The following MID1 variants were observed in gnomAD, a reference collection of about 807,000 sequenced individuals.
The protein encoded by MID1 is midline 1.
A neutral mutation model predicts 40.4 loss-of-function variants in MID1; 7 were observed. That is an observed-to-expected ratio of 0.17 (90% CI 0.10 to 0.33). MID1 has a LOEUF of 0.33. MID1 is among the 10% of genes least tolerant of loss of function. The pLI is 1.00. For missense variants in MID1, 367 were observed against 558.5 expected (o/e 0.66, Z 3.46); for synonymous variants, 229 against 221.2 (o/e 1.04, Z -0.31).
chrX:10,677,455 G>T (rs969960377), intron 1 of MID1: 7 of 112,129 alleles, frequency 6.2e-5, no homozygotes, highest in Non-Finnish European at 1.1e-4. Flanking sequence ...TTTTTAAAAA[G>T]AAGACTTACC....
intron 1 of MID1, among the ~76,000 whole-genome samples, chrX:10,674,010 C>A (rs1218954254): frequency 2.7e-5 from 3 of 111,212 alleles, no homozygotes; most frequent in African/African-American, 9.8e-5. Context: ...AAACATTTAA[C>A]AAAAGTCATC....
At chrX:10,783,543 G>A (rs181386261) in intron 1 of MID1, among the ~76,000 whole-genome samples, 1 of 111,627 alleles carries the variant, frequency 9.0e-6, no homozygotes, top group African/African-American at 3.3e-5. Flanking sequence ...CATCTAGCTG[G>A]TACTTTGCAA....
intron 1 of MID1, among the ~76,000 whole-genome samples, chrX:10,657,881 C>T (rs1387191488): frequency 8.9e-6 from 1 of 111,970 alleles, no homozygotes. Context: ...TTGCCAAATG[C>T]CTTCAGACTT....
At chrX:10,499,938 T>C (rs1324229371) in intron 3 of MID1, among the ~76,000 whole-genome samples, 1 of 112,499 alleles carries the variant, frequency 8.9e-6, no homozygotes, top group Non-Finnish European at 1.9e-5. Flanking sequence ...TCCTATTTTG[T>C]AAAATGAGCT....
intron 1 of MID1, among the ~76,000 whole-genome samples, chrX:10,794,487 A>G (rs1025647357): frequency 8.9e-6 from 1 of 112,467 alleles, no homozygotes; most frequent in African/African-American, 3.2e-5. Flanking sequence ...CATCACATAG[A>G]AACCAGTCAG....
intron 1 of MID1, among the ~76,000 whole-genome samples, chrX:10,764,571 T>A (rs2043707029): frequency 8.9e-6 from 1 of 112,264 alleles, no homozygotes; most frequent in African/African-American, 3.2e-5. Flanking sequence ...GAATTTTTTT[T>A]AAAGCTCTGT....
intron 1 of MID1, among the ~76,000 whole-genome samples, chrX:10,642,832 C>T (rs1271196425): frequency 9.1e-6 from 1 of 110,223 alleles, no homozygotes; most frequent in Non-Finnish European, 1.9e-5. Context: ...ACCAATGGAA[C>T]AGAACAGAGC....
intron 1 of MID1, among the ~76,000 whole-genome samples, chrX:10,660,403 A>G (rs1569140484): frequency 8.9e-6 from 1 of 112,263 alleles, no homozygotes; most frequent in South Asian, 3.7e-4. Flanking sequence ...CTCAATCACC[A>G]CAGCGCTGGG....
chrX:10,780,228 A>G (rs2147132123), intron 1 of MID1, among the ~76,000 whole-genome samples: 1 of 111,554 alleles, frequency 9.0e-6, no homozygotes, highest in African/African-American at 3.3e-5. Context: ...AGCCTCCCAA[A>G]GTGCCAGGAT....
chrX:10,796,382 T>TA (rs1318753314), intron 1 of MID1, among the ~76,000 whole-genome samples: 1 of 109,398 alleles, frequency 9.1e-6, no homozygotes. Flanking sequence ...ATAATTTTTT[T>TA]AAGGGCTGTT....
intron 1 of MID1, among the ~76,000 whole-genome samples, chrX:10,685,941 A>C (rs753446091): frequency 1.8e-5 from 2 of 108,347 alleles, no homozygotes; most frequent in Non-Finnish European, 3.8e-5. Context: ...TGTGTAGTAC[A>C]AGATGGAAAG....
intron 2 of MID1, among the ~76,000 whole-genome samples, chrX:10,528,138 G>A (rs939354220): frequency 3.7e-5 from 4 of 109,429 alleles, no homozygotes; most frequent in South Asian, 4.0e-4. Context: ...CAAATTCCAG[G>A]CTGTAGATCA....
chrX:10,510,688 T>C, intron 3 of MID1, among the ~76,000 whole-genome samples: 1 of 107,445 alleles, frequency 9.3e-6, no homozygotes, highest in African/African-American at 3.4e-5. Flanking sequence ...AAAAACTAGC[T>C]GGGCATGGTG....
At chrX:10,787,138 C>A (rs896340462) in intron 1 of MID1, among the ~76,000 whole-genome samples, 4 of 111,112 alleles carry the variant, frequency 3.6e-5, no homozygotes, top group Non-Finnish European at 5.7e-5. Flanking sequence ...AAAAGGGACA[C>A]TATATTTATC....
chrX:10,587,249 C>T (rs1935161184), intron 1 of MID1, among the ~76,000 whole-genome samples: 1 of 112,564 alleles, frequency 8.9e-6, no homozygotes, highest in Admixed American at 9.4e-5. Flanking sequence ...GGCAGAGTGC[C>T]CAGTAAAGGT....
chrX:10,666,311 T>G (rs1439109830), intron 1 of MID1, among the ~76,000 whole-genome samples: 3 of 108,816 alleles, frequency 2.8e-5, no homozygotes, highest in African/African-American at 1.0e-4. Context: ...ATGCTCAAAT[T>G]GAATTTGCAA....
At chrX:10,788,902 G>A (rs943389002) in intron 1 of MID1, among the ~76,000 whole-genome samples, 6 of 112,333 alleles carry the variant, frequency 5.3e-5, no homozygotes, top group East Asian at 2.8e-4. Flanking sequence ...AGGCCGAGGC[G>A]GGAGGATCAC....
chrX:10,533,378 A>AAAG (rs1933085044), intron 2 of MID1, among the ~76,000 whole-genome samples: 2 of 56,541 alleles, frequency 3.5e-5, no homozygotes, highest in African/African-American at 1.5e-4. Context: ...GAAAGAAAGA[A>AAAG]AAAGAAAGAA....
At position 10,449,535 on chromosome X, in the gene MID1, C is replaced by T. The variant is rs1205719863; in HGVS notation, c.1837G>A (p.Gly613Ser). ...AAAGCATCATAAAAGGCGATAGAGCCGTTATCATAGTCCAGCAGGATGCCC... is the reference window on the plus strand; with the variant it reads ...AAAGCATCATAAAAGGCGATAGAGCTGTTATCATAGTCCAGCAGGATGCCC... ...RVGILLDYDN[G>S]SIAFYDALNS... is the part of the protein sequence containing the mutation. The change falls in exon 10 of 10, where the codon GGC becomes AGC. Residue 613 changes from glycine to serine, a missense_variant. By Grantham distance (56) the Gly-to-Ser change is moderately conservative. Transcript: ENST00000317552. 6.9e-5 allele frequency: 84 copies of T among 1,210,024 alleles called. No individual in the cohort carries two copies. The highest frequency in any genetic ancestry group is 8.8e-5 in the Non-Finnish European group (79 of 895,294).
Sources: gnomAD v4.1 joint callset for allele counts (sites outside exome capture counted in the v4.1 genomes callset) on GRCh38, gnomAD v4.1.1 for gene constraint, MANE v1.5 for transcripts, NCBI Gene and HGNC (gene_info 2026-07-23, HGNC 2026-07-21) for gene names.